The following CAPN15 variants were observed in gnomAD, a reference collection of about 807,000 sequenced individuals.
CAPN15 encodes calpain 15, also known as calpain-15.
A neutral mutation model predicts 97.9 loss-of-function variants in CAPN15; 53 were observed. The ratio of observed to expected loss-of-function variants is 0.54; its 90% CI spans 0.43 to 0.68. The LOEUF is 0.68. CAPN15 is among the 30% of genes least tolerant of loss of function. The pLI is 0.00. For missense variants in CAPN15, 1,592 were observed against 1,589.8 expected, an observed-to-expected ratio of 1.00 and a Z score of -0.02; for synonymous variants, 922 against 722.5, an observed-to-expected ratio of 1.28 and a Z score of -4.43.
Position 552,645 on chromosome 16 carries a change from G to A in CAPN15, c.2778G>A (p.Glu926=), listed in dbSNP as rs1214741091. 6 of 1,537,908 alleles carry A rather than the reference G, an allele frequency of 3.9e-6. No homozygotes were observed. In the Admixed American group the frequency reaches 5.9e-5, roughly 15 times the overall value. The part of the protein sequence containing the change: ...PSAGVPRASP[E]PPGHVLAVYS... The stretch of plus-strand genomic sequence containing the variant: ...CAGGGGTCCCGAGAGCCTCCCCAGA[G>A]CCGCCGGGCCACGTGCTGGCTGTGT... Residue 926 remains glutamate, a synonymous_variant, in exon 12 of 14, where the codon GAG becomes GAA. Coordinates refer to ENST00000219611, the MANE Select transcript of CAPN15 (RefSeq NM_005632.3). This position sits in a 1 kb window ranked among gnomAD's most constrained non-coding sequence, Gnocchi z 6.4.
At chr16:544,606 C>T (rs1432238915) in intron 3 of CAPN15, among the ~76,000 whole-genome samples, 2 of 152,148 alleles carry the variant, frequency 1.3e-5, no homozygotes, top group Admixed American at 6.5e-5. Context: ...AACTGGGGCG[C>T]GCGGGTCTTT....
At chr16:540,134 C>G in intron 3 of CAPN15, 3 of 985,480 alleles carry the variant, frequency 3.0e-6, no homozygotes, top group Non-Finnish European at 3.6e-6. Context: ...GCTTCGCCCG[C>G]TGCTGGCCAG....
chr16:553,615 T>G lies in CAPN15; in HGVS notation c.*99T>G. The stretch of plus-strand genomic sequence containing the variant: ...GACAGAGGACGCTTGAGCCAGAATC[T>G]CAGGACCCCGCCCAGGGAGCTGCCA... On this transcript the variant is annotated 3_prime_UTR_variant, in exon 14 of 14. Transcript: ENST00000219611. 1.4e-6 allele frequency: 1 copy of G among 708,424 alleles called. No homozygotes were observed. The highest frequency in any genetic ancestry group is 2.2e-6 in the Non-Finnish European group (1 of 464,042). The allele number at this position is 708,424 out of a possible 1,614,324, so 43.9% of individuals were successfully genotyped here. A position where few individuals can be genotyped will look rare whatever the true frequency, so the allele number is the denominator to read the frequency against.
In CAPN15 at chr16:544,845, C is replaced by CT. The variant is rs11444364; in HGVS notation, c.-22-1972_-22-1971insT. Reference sequence around the variant, plus strand: ...CGTCGCCTCCCCCACGTCGCCTCCCCCACGTCGCCTCCCCCACGTCGCCTC... The same window carrying CT: ...CGTCGCCTCCCCCACGTCGCCTCCCCTCACGTCGCCTCCCCCACGTCGCCTC... On this transcript the variant is annotated intron_variant, in intron 3 of 13. Transcript: ENST00000219611. 4.2e-5 allele frequency among the ~76,000 whole-genome samples: 4 copies of CT among 95,230 alleles called. 1 individual carries two copies. Among genetic ancestry groups the CT allele is most frequent in the East Asian group, 3.0e-4 (1 of 3,318 alleles). The allele number at this position is 95,230 out of a possible 152,430, so 62.5% of individuals were successfully genotyped here. A position where few individuals can be genotyped will look rare whatever the true frequency, so the allele number is the denominator to read the frequency against.
At chr16:549,935 C>A in intron 7 of CAPN15, 97 bp downstream of exon 7, 1 of 1,045,456 alleles carries the variant, frequency 9.6e-7, no homozygotes, top group Non-Finnish European at 1.4e-6. Context: ...CCCAGTTCTG[C>A]TTCCACGAGG....
chr16:538,764 C>T (rs999849479), intron 3 of CAPN15: 1 of 152,232 alleles, frequency 6.6e-6, no homozygotes, highest in Non-Finnish European at 1.5e-5. Flanking sequence ...CCTGTGGCCT[C>T]AGAGCTGCAG....
chr16:540,355 C>A lies in CAPN15; in HGVS notation c.-23+4213C>A, dbSNP rs28579080. 3.0e-5 allele frequency: 30 copies of A among 985,526 alleles called. No individual in the cohort carries two copies. In the African/African-American group the frequency reaches 5.1e-4, roughly 17 times the overall value. The allele number at this position is 985,526 out of a possible 1,614,324, so 61.0% of individuals were successfully genotyped here. A position where few individuals can be genotyped will look rare whatever the true frequency, so the allele number is the denominator to read the frequency against. ...GGTCAGCCGGCAGCACCAGCCCCCACGGCCCCGGGCCCGAAGGTAAGAGGT... is the reference window on the plus strand; with the variant it reads ...GGTCAGCCGGCAGCACCAGCCCCCAAGGCCCCGGGCCCGAAGGTAAGAGGT... On this transcript the variant is annotated intron_variant, in intron 3 of 13. Coordinates refer to ENST00000219611, the MANE Select transcript of CAPN15 (RefSeq NM_005632.3).
intron 1 of CAPN15, 145 bp downstream of exon 1, chr16:528,174 AG>A (rs2032988850): frequency 6.6e-6 from 1 of 150,854 alleles, no homozygotes; most frequent in African/African-American, 2.4e-5. Flanking sequence ...GAGCCAGGGC[AG>A]GGACGGCAGG....
In CAPN15 at chr16:534,215, C is replaced by T. The variant is rs890038060; in HGVS notation, c.-137+217C>T. 8.5e-5 allele frequency among the ~76,000 whole-genome samples: 13 copies of T among 152,182 alleles called. 1 individual carries two copies. The highest frequency in any genetic ancestry group is 2.7e-4 in the African/African-American group (11 of 41,402). ...CTGTCGTGGGAGGCGACGGTGAGGG[C>T]GGCCCGGGGTCCCGACAGGGGTGTT... On this transcript the variant is annotated intron_variant, in intron 2 of 13. Coordinates refer to ENST00000219611, the MANE Select transcript of CAPN15 (RefSeq NM_005632.3).
rs763502904 is a variant in CAPN15 at position 547,208 on chromosome 16, G to A, written c.370G>A (p.Glu124Lys). The A allele has an allele frequency of 4.8e-5, 73 of 1,529,852 alleles. No homozygotes were observed. The highest frequency in any genetic ancestry group is 3.6e-4 in the Middle Eastern group (2 of 5,492). 94.8% of individuals were successfully genotyped at this position (1,529,852 alleles called of 1,614,324 possible). A position where few individuals can be genotyped will look rare whatever the true frequency, so the allele number is the denominator to read the frequency against. ...VATEPARGQC[E>K]DKDEEEKEEQ... The stretch of plus-strand genomic sequence containing the variant: ...CACGGAGCCCGCCAGGGGGCAGTGC[G>A]AGGACAAGGACGAGGAGGAGAAGGA... Residue 124 changes from glutamate to lysine, a missense_variant, in exon 4 of 14, where the codon GAG becomes AAG. By Grantham distance (56) the Glu-to-Lys change is moderately conservative. Coordinates refer to ENST00000219611, the MANE Select transcript of CAPN15 (RefSeq NM_005632.3).
rs111518765 is a variant in CAPN15 at position 552,221 on chromosome 16, T to C, written c.2507+9T>C. ...TTCCAGGAGGGCAGCAGGTGGGTGC[T>C]GCGGGGCCCCATCGGGCTGGGCTGG... On this transcript the variant is annotated intron_variant, in intron 10 of 13. Transcript: ENST00000219611. The surrounding 1 kb of genome is among the most constrained non-coding windows in gnomAD (Gnocchi z 6.4). 3.3e-3 allele frequency: 5,035 copies of C among 1,531,990 alleles called. 113 individuals carry two copies. The African/African-American group carries it at 0.056, about 17-fold the overall frequency. 94.9% of individuals were successfully genotyped at this position (1,531,990 alleles called of 1,614,324 possible). A position where few individuals can be genotyped will look rare whatever the true frequency, so the allele number is the denominator to read the frequency against.
At chr16:544,742 C>G (rs1231284312) in intron 3 of CAPN15, among the ~76,000 whole-genome samples, 6 of 78,732 alleles carry the variant, frequency 7.6e-5, no homozygotes, top group East Asian at 4.1e-4. Context: ...TCGCCTCCCC[C>G]ACGTCGTCGC....
chr16:548,364 G>A, intron 4 of CAPN15, 77 bp downstream of exon 4: 1 of 1,362,590 alleles, frequency 7.3e-7, no homozygotes, highest in Non-Finnish European at 9.6e-7. Flanking sequence ...TTGGGCTCTG[G>A]CGATGGGCTG....
At chr16:532,933 G>A (rs2033377347) in intron 1 of CAPN15, among the ~76,000 whole-genome samples, 1 of 149,940 alleles carries the variant, frequency 6.7e-6, no homozygotes, top group South Asian at 2.1e-4. Context: ...ACAAAAGAGG[G>A]TGAGGGGCCG....
At chr16:533,646 T>C (rs2033434905) in intron 1 of CAPN15, among the ~76,000 whole-genome samples, 1 of 151,994 alleles carries the variant, frequency 6.6e-6, no homozygotes, top group Non-Finnish European at 1.5e-5. Context: ...GACAGGATCT[T>C]GAATGGCCCT....
intron 4 of CAPN15, 112 bp downstream of exon 4, chr16:548,399 C>T (rs149281718): frequency 2.3e-5 from 26 of 1,115,334 alleles, no homozygotes; most frequent in Non-Finnish European, 3.0e-5. Context: ...AGGCCTAAGA[C>T]GTGATGGGGA....
chr16:551,624 A>G lies in CAPN15; in HGVS notation c.2305A>G (p.Ser769Gly). 6.2e-7 allele frequency: 1 copy of G among 1,605,172 alleles called. No homozygotes were observed. Among genetic ancestry groups the G allele is most frequent in the Non-Finnish European group, 8.5e-7 (1 of 1,178,116 alleles). ...LRGELMPHGSSEGVFWMEYGD... is the reference protein window; with the variant it reads ...LRGELMPHGSGEGVFWMEYGD... ...TGGCGAGCTCATGCCGCACGGCAGC[A>G]GTGAGGGTGTCTTCTGGATGGAGTA... Residue 769 changes from serine to glycine, a missense_variant, in exon 9 of 14, where the codon AGT becomes GGT. Transcript: ENST00000219611.
In CAPN15 at chr16:553,413, A is replaced by G; in HGVS notation, c.3158A>G (p.Lys1053Arg). 4 of 1,610,720 alleles carry G rather than the reference A, an allele frequency of 2.5e-6. No homozygotes were observed. The highest frequency in any genetic ancestry group is 3.4e-6 in the Non-Finnish European group (4 of 1,179,212). ...FSITHRLAHR[K>R]AAQAFLSDWT... is the part of the protein sequence containing the mutation. ...ATCACCCACCGCCTGGCACATCGCA[A>G]GGCAGCCCAGGCCTTCCTCAGTGAC... The change falls in exon 14 of 14, where the codon AAG becomes AGG. Residue 1053 changes from lysine to arginine, a missense_variant. This residue lies in a region of CAPN15 where 644 missense variants were observed against 699.6 expected (regional missense o/e 0.92). Transcript: ENST00000219611.
Position 553,411 on chromosome 16 carries a change from C to T in CAPN15, c.3156C>T (p.Arg1052=), listed in dbSNP as rs1475540659. The T allele has an allele frequency of 6.2e-7, 1 of 1,610,878 alleles. No homozygotes were observed. The highest frequency in any genetic ancestry group is 8.5e-7 in the Non-Finnish European group (1 of 1,179,302). ...CTATCACCCACCGCCTGGCACATCG[C>T]AAGGCAGCCCAGGCCTTCCTCAGTG... ...GFSITHRLAH[R]KAAQAFLSDW... Residue 1052 remains arginine, a synonymous_variant, in exon 14 of 14, where the codon CGC becomes CGT. Transcript: ENST00000219611.
Sources: gnomAD v4.1 joint callset for allele counts (sites outside exome capture counted in the v4.1 genomes callset) on GRCh38, gnomAD v4.1.1 for gene constraint, gnomAD v4.1.1 regional missense constraint, Gnocchi (gnomAD v3.1) non-coding constraint, MANE v1.5 for transcripts, NCBI Gene and HGNC (gene_info 2026-07-23, HGNC 2026-07-21) for gene names.